Variants in SRRM4 observed in about 807,000 individuals in gnomAD.
The protein encoded by SRRM4 is serine/arginine repetitive matrix 4.
In SRRM4, 33 loss-of-function variants were observed where a neutral mutation model predicts 68.9. The observed-to-expected ratio is 0.48, with a 90% CI of 0.36 to 0.64. SRRM4 has a LOEUF of 0.64. Ranked by LOEUF, SRRM4 falls within the 30% of genes least tolerant of loss-of-function variation. The probability of loss-of-function intolerance (pLI) is 0.00; values close to 1 mark genes in which losing one functional copy is unlikely to be tolerated. For synonymous variants in SRRM4, 318 were observed against 318.8 expected (o/e 1.00, Z 0.03); for missense variants, 817 against 827.1 (o/e 0.99, Z 0.15).
intron 1 of SRRM4, among the ~76,000 whole-genome samples, chr12:119,084,227 GAGAGCA>G (rs1312573908): frequency 7.2e-5 from 11 of 152,318 alleles, no homozygotes; most frequent in Middle Eastern, 3.4e-3. Flanking sequence ...GGAGAGGGAA[GAGAGCA>G]GGGGAAGAGA....
intron 1 of SRRM4, among the ~76,000 whole-genome samples, chr12:119,038,043 G>A (rs1007753234): frequency 6.6e-6 from 1 of 152,076 alleles, no homozygotes; most frequent in Non-Finnish European, 1.5e-5. Flanking sequence ...CACTTATTGA[G>A]CAACTACTAT....
chr12:119,023,810 T>C (rs1953530771), intron 1 of SRRM4, among the ~76,000 whole-genome samples: 1 of 152,226 alleles, frequency 6.6e-6, no homozygotes, highest in Admixed American at 6.5e-5. Flanking sequence ...TTTGTCTTCA[T>C]TGTTTCAGAC....
At chr12:118,984,740 A>G (rs1257198067) in intron 1 of SRRM4, among the ~76,000 whole-genome samples, 1 of 152,084 alleles carries the variant, frequency 6.6e-6, no homozygotes, top group Non-Finnish European at 1.5e-5. Flanking sequence ...ATACTTGATG[A>G]GGCAATAGCT....
intron 6 of SRRM4, 73 bp from the exon 7 acceptor site, chr12:119,125,308 A>T: frequency 1.5e-5 from 21 of 1,359,296 alleles, no homozygotes; most frequent in African/African-American, 2.9e-5. Context: ...GTGTCACAAG[A>T]TCAAATCTCT....
chr12:118,997,314 G>A (rs938473402), intron 1 of SRRM4, among the ~76,000 whole-genome samples: 3 of 152,200 alleles, frequency 2.0e-5, no homozygotes, highest in Admixed American at 1.3e-4. Context: ...TAACGTAAAG[G>A]AGAACACAAG....
At chr12:119,042,386 C>T (rs1953675614) in intron 1 of SRRM4, among the ~76,000 whole-genome samples, 1 of 151,968 alleles carries the variant, frequency 6.6e-6, no homozygotes, top group South Asian at 2.1e-4. Context: ...AGAAACAAGA[C>T]TTGCAATAAA....
At chr12:119,102,101 G>A in intron 1 of SRRM4, 135 bp from the exon 2 acceptor site, 1 of 839,390 alleles carries the variant, frequency 1.2e-6, no homozygotes, top group Non-Finnish European at 1.8e-6. Flanking sequence ...GAGACCATTG[G>A]CCAAAGATAA....
intron 1 of SRRM4, among the ~76,000 whole-genome samples, chr12:119,011,651 A>T (rs1163430194): frequency 6.6e-6 from 1 of 152,178 alleles, no homozygotes; most frequent in Non-Finnish European, 1.5e-5. Context: ...TAAAAGCCAC[A>T]TTGGTTTGTG....
intron 1 of SRRM4, among the ~76,000 whole-genome samples, chr12:119,057,981 G>A (rs1263545702): frequency 6.6e-6 from 1 of 152,080 alleles, no homozygotes; most frequent in Non-Finnish European, 1.5e-5. Flanking sequence ...GACATCTCCT[G>A]GAAAATAGAC....
At chr12:119,106,534 A>C (rs1954108815) in intron 2 of SRRM4, among the ~76,000 whole-genome samples, 1 of 152,112 alleles carries the variant, frequency 6.6e-6, no homozygotes, top group Non-Finnish European at 1.5e-5. Flanking sequence ...CATCCCTTGT[A>C]AGTTGGATTC....
At chr12:119,031,767 A>G (rs1007938524) in intron 1 of SRRM4, among the ~76,000 whole-genome samples, 60 of 151,948 alleles carry the variant, frequency 3.9e-4, no homozygotes, top group African/African-American at 1.4e-3. Flanking sequence ...TTCCTTTGCA[A>G]ATTGCTAATT....
intron 8 of SRRM4, among the ~76,000 whole-genome samples, chr12:119,139,345 T>C (rs1212568736): frequency 6.6e-6 from 1 of 152,312 alleles, no homozygotes; most frequent in Non-Finnish European, 1.5e-5. Flanking sequence ...CCATCCTGTC[T>C]TGGGCTTCCC....
intron 1 of SRRM4, among the ~76,000 whole-genome samples, chr12:119,085,472 G>A (rs142102166): frequency 6.6e-6 from 1 of 152,332 alleles, no homozygotes; most frequent in African/African-American, 2.4e-5. Flanking sequence ...AAAGAACAAA[G>A]ACAGCCAAGA....
At chr12:119,072,084 C>G (rs374472736) in intron 1 of SRRM4, among the ~76,000 whole-genome samples, 1 of 152,194 alleles carries the variant, frequency 6.6e-6, no homozygotes, top group Non-Finnish European at 1.5e-5. Flanking sequence ...GTAATAGGTA[C>G]TAATAATAGT....
At chr12:119,104,828 T>G (rs1038384935) in intron 2 of SRRM4, among the ~76,000 whole-genome samples, 7 of 152,132 alleles carry the variant, frequency 4.6e-5, no homozygotes, top group Non-Finnish European at 1.5e-5. Flanking sequence ...TTTTTAATTT[T>G]TTTTGTTATA....
intron 1 of SRRM4, among the ~76,000 whole-genome samples, chr12:118,991,091 C>T (rs1953313903): frequency 6.6e-6 from 1 of 152,186 alleles, no homozygotes; most frequent in African/African-American, 2.4e-5. Flanking sequence ...AGGTGTGAGC[C>T]ACCATGCCTG....
intron 7 of SRRM4, among the ~76,000 whole-genome samples, chr12:119,127,225 TA>T (rs1236135946): frequency 5.9e-5 from 9 of 151,676 alleles, no homozygotes; most frequent in African/African-American, 1.9e-4. Context: ...TAAATAAATT[TA>T]AAAAAAAGAA....
At chr12:119,035,971 A>G (rs1347713094) in intron 1 of SRRM4, among the ~76,000 whole-genome samples, 2 of 152,154 alleles carry the variant, frequency 1.3e-5, no homozygotes, top group Non-Finnish European at 1.5e-5. Flanking sequence ...CTCTGATTGG[A>G]TATTTCAGGC....
intron 1 of SRRM4, among the ~76,000 whole-genome samples, chr12:119,008,106 T>C (rs1953426640): frequency 6.6e-6 from 1 of 152,120 alleles, no homozygotes; most frequent in Admixed American, 6.5e-5. Context: ...TTTGGTATTA[T>C]AAGAATATGA....
Sources: gnomAD v4.1 joint callset for allele counts (sites outside exome capture counted in the v4.1 genomes callset) on GRCh38, gnomAD v4.1.1 for gene constraint, MANE v1.5 for transcripts, NCBI Gene and HGNC (gene_info 2026-07-23, HGNC 2026-07-21) for gene names.